TG: variants seen among roughly 807,000 people sequenced by gnomAD.
The protein encoded by TG is thyroid hormones.
In TG, 270 loss-of-function variants were observed where a neutral mutation model predicts 324.7. That is an observed-to-expected ratio of 0.83 (90% CI 0.75 to 0.92). The LOEUF (loss-of-function observed/expected upper bound fraction) is 0.92. TG is among the 40% of genes least tolerant of loss of function. The pLI is 0.00. For missense variants in TG, 3,591 were observed against 3,456.4 expected (o/e 1.04, Z -0.98); for synonymous variants, 1,401 against 1,327.0 (o/e 1.06, Z -1.21).
chr8:132,935,992 T>G (rs766772904), intron 25 of TG, 128 bp downstream of exon 25: 29 of 755,270 alleles, frequency 3.8e-5, no homozygotes, highest in Non-Finnish European at 6.0e-5. Flanking sequence ...ACCCTCAGTC[T>G]GGCTTCTCTG....
At chr8:132,951,303 A>G (rs1055509054) in intron 27 of TG, among the ~76,000 whole-genome samples, 4 of 152,254 alleles carry the variant, frequency 2.6e-5, no homozygotes, top group Non-Finnish European at 5.9e-5. Flanking sequence ...TTCTGAAAAT[A>G]AAATATCACA....
intron 41 of TG, among the ~76,000 whole-genome samples, chr8:133,081,724 TA>T (rs33935978): frequency 0.21 from 31,850 of 152,166 alleles, 3,651 homozygotes; most frequent in Non-Finnish European, 0.26. Flanking sequence ...GGGGAGATCT[TA>T]CTGTTCTCAG....
chr8:133,116,593 G>T lies in TG; in HGVS notation c.7755-16G>T. On this transcript the variant is annotated splice_polypyrimidine_tract_variant and intron_variant, in intron 44 of 47. Coordinates refer to ENST00000220616, the MANE Select transcript of TG (RefSeq NM_003235.5). ...CCATGTTTAACCAGACTCCCCCCAT[G>T]TTCTCTTTTCACCAGGGACTACTTT... 6.2e-7 allele frequency: 1 copy of T among 1,608,366 alleles called. No homozygotes were observed. The highest frequency in any genetic ancestry group is 8.5e-7 in the Non-Finnish European group (1 of 1,174,720).
At chr8:132,983,212 C>A (rs1457015867) in intron 34 of TG, 138 bp from the exon 35 acceptor site, 2 of 880,630 alleles carry the variant, frequency 2.3e-6, no homozygotes, top group Admixed American at 3.5e-5. Context: ...CCCACCCTGA[C>A]CGATACAGGT....
intron 41 of TG, among the ~76,000 whole-genome samples, chr8:133,044,335 C>A (rs1838891825): frequency 6.6e-6 from 1 of 152,156 alleles, no homozygotes; most frequent in Non-Finnish European, 1.5e-5. Flanking sequence ...CTTGCTTTAT[C>A]TCAGTGGATG....
At chr8:133,040,280 CA>C (rs1480425583) in intron 41 of TG, 2 of 830,076 alleles carry the variant, frequency 2.4e-6, no homozygotes, top group Non-Finnish European at 3.7e-6. Flanking sequence ...TAGGTGGTGA[CA>C]ATGCTGAAAG....
chr8:132,886,790 G>A lies in TG; in HGVS notation c.1418G>A (p.Gly473Glu). The A allele has an allele frequency of 1.2e-6, 2 of 1,614,186 alleles. No homozygotes were observed. Among genetic ancestry groups the A allele is most frequent in the Non-Finnish European group, 8.5e-7 (1 of 1,180,044 alleles). The part of the protein sequence containing the change: ...NPKRLQQNLF[G>E]GKFLVNVGQF... ...AAGAGACTCCAGCAAAACCTTTTTG[G>A]AGGGAAATTTTTGGTGAATGTTGGC... The change falls in exon 9 of 48, where the codon GGA (glycine) becomes GAA (glutamate). Residue 473 changes from glycine (G) to glutamate (E), a missense_variant. Gly to Glu is a moderately conservative substitution (Grantham distance 98, BLOSUM62 -2). Coordinates refer to ENST00000220616, the MANE Select transcript of TG (RefSeq NM_003235.5).
chr8:132,908,098 A>T (rs1818944756), intron 17 of TG, 88 bp from the exon 18 acceptor site: 6 of 1,494,998 alleles, frequency 4.0e-6, no homozygotes, highest in Non-Finnish European at 5.5e-6. Context: ...CTCAATGAGG[A>T]AGGGTTATTT....
chr8:133,060,249 C>G, intron 41 of TG: 1 of 1,611,534 alleles, frequency 6.2e-7, no homozygotes, highest in Non-Finnish European at 8.5e-7. Flanking sequence ...CCTGAGCCCT[C>G]CAAGTGGAGA....
At chr8:133,031,998 G>A (rs1836686103) in intron 41 of TG, among the ~76,000 whole-genome samples, 1 of 152,166 alleles carries the variant, frequency 6.6e-6, no homozygotes, top group Non-Finnish European at 1.5e-5. Flanking sequence ...TAGTGCCAAA[G>A]CTGCTGCCTC....
chr8:132,940,834 C>A (rs555253253), intron 25 of TG, among the ~76,000 whole-genome samples: 1 of 152,286 alleles, frequency 6.6e-6, no homozygotes, highest in South Asian at 2.1e-4. Context: ...TTTGGTGGCA[C>A]AAGGCAATGA....
chr8:133,029,981 C>G lies in TG; in HGVS notation c.7197C>G (p.Ala2399=). The G allele has an allele frequency of 6.2e-7, 1 of 1,614,230 alleles. No individual in the cohort carries two copies. The highest frequency in any genetic ancestry group is 8.5e-7 in the Non-Finnish European group (1 of 1,180,038). ...TGGCCAGCATCCACCTTCTCACGGCCAGGGCCACCAACTCCCAACTTTTCC... is the reference window on the plus strand; with the variant it reads ...TGGCCAGCATCCACCTTCTCACGGCGAGGGCCACCAACTCCCAACTTTTCC... ...ADVASIHLLT[A]RATNSQLFRR... The change falls in exon 41 of 48, where the codon GCC becomes GCG. Residue 2399 remains alanine, a synonymous_variant. Transcript: ENST00000220616.
At chr8:132,886,334 A>T in intron 8 of TG, 114 bp from the exon 9 acceptor site, 1 of 1,400,666 alleles carries the variant, frequency 7.1e-7, no homozygotes, top group Non-Finnish European at 1.0e-6. Context: ...TTTCAAACGT[A>T]GGTGTCCTTG....
At chr8:133,026,883 T>G (rs1564087047) in intron 40 of TG, among the ~76,000 whole-genome samples, 1 of 152,220 alleles carries the variant, frequency 6.6e-6, no homozygotes, top group African/African-American at 2.4e-5. Flanking sequence ...TCTATTTTAT[T>G]AAAAATTAAT....
At chr8:132,919,653 T>C (rs1820847797) in intron 21 of TG, 128 bp downstream of exon 21, 2 of 1,323,698 alleles carry the variant, frequency 1.5e-6, no homozygotes, top group Admixed American at 1.8e-5. Context: ...TGGCCTGTGC[T>C]TGGTAGGATA....
chr8:133,072,762 T>G (rs1844259641), intron 41 of TG: 1 of 152,190 alleles, frequency 6.6e-6, no homozygotes, highest in South Asian at 2.1e-4. Context: ...AATGGGGAAG[T>G]TTTCTTCTGA....
At chr8:132,967,641 C>T (rs1482453259) in intron 30 of TG, among the ~76,000 whole-genome samples, 153 bp from the exon 31 acceptor site, 1 of 152,182 alleles carries the variant, frequency 6.6e-6, no homozygotes. Context: ...TTTGCATGGG[C>T]CTTCCAGACT....
chr8:132,885,196 A>G (rs2132148346), intron 8 of TG, among the ~76,000 whole-genome samples: 1 of 151,968 alleles, frequency 6.6e-6, no homozygotes, highest in Middle Eastern at 3.4e-3. Context: ...AGCTTACTTT[A>G]CATCCACCTA....
intron 41 of TG, chr8:133,076,153 A>T (rs1235996020): frequency 6.6e-6 from 1 of 152,220 alleles, no homozygotes; most frequent in Non-Finnish European, 1.5e-5. Context: ...CCACACTGGG[A>T]TGGCCCTCAG....
Sources: gnomAD v4.1 joint callset for allele counts (sites outside exome capture counted in the v4.1 genomes callset) on GRCh38, gnomAD v4.1.1 for gene constraint, MANE v1.5 for transcripts, NCBI Gene and HGNC (gene_info 2026-07-23, HGNC 2026-07-21) for gene names.